ASF1B: variants seen among roughly 807,000 people sequenced by gnomAD.
ASF1B encodes the protein anti-silencing function 1B histone chaperone.
In ASF1B, 10 loss-of-function variants were observed where a neutral mutation model predicts 16.6. That is an observed-to-expected ratio of 0.60 (90% confidence interval 0.37 to 1.02). ASF1B has a LOEUF of 1.02. ASF1B is among the 50% of genes least tolerant of loss of function. The pLI is 0.01. For synonymous variants in ASF1B, 101 were observed against 106.2 expected, an observed-to-expected ratio of 0.95 and a Z score of 0.30; for missense variants, 240 against 266.0, an observed-to-expected ratio of 0.90 and a Z score of 0.68.
At chr19:14,122,608 C>T (rs1370416899) in intron 2 of ASF1B, among the ~76,000 whole-genome samples, 1 of 152,076 alleles carries the variant, frequency 6.6e-6, no homozygotes, top group Non-Finnish European at 1.5e-5. Flanking sequence ...GATCCTCTCA[C>T]CTCAGCCTCC....
At position 14,120,678 on chromosome 19, in the gene ASF1B, G is replaced by A. The variant is rs768327995; in HGVS notation, c.403-13C>T. 7 of 1,613,722 alleles carry A rather than the reference G, an allele frequency of 4.3e-6. No homozygotes were observed. The highest frequency in any genetic ancestry group is 4.5e-5 in the East Asian group (2 of 44,886). On this transcript the variant is annotated splice_polypyrimidine_tract_variant and intron_variant, in intron 3 of 3. Coordinates refer to ENST00000263382, the MANE Select transcript of ASF1B (RefSeq NM_018154.3). Reference sequence around the variant, plus strand: ...TGTTCCGCTGGAGCTGGGGCAGGAAGAGGAACGTCAACCCTTGTAGGTACG... The same window carrying A: ...TGTTCCGCTGGAGCTGGGGCAGGAAAAGGAACGTCAACCCTTGTAGGTACG...
intron 2 of ASF1B, among the ~76,000 whole-genome samples, chr19:14,122,409 AGGCTGGAGTGCAAT>A (rs1967253789): frequency 6.7e-6 from 1 of 150,204 alleles, no homozygotes; most frequent in African/African-American, 2.5e-5. Flanking sequence ...TCTGTTACCC[AGGCTGGAGTGCAAT>A]GGCGCCATCA....
intron 1 of ASF1B, among the ~76,000 whole-genome samples, chr19:14,132,951 T>G (rs1488854396): frequency 2.0e-5 from 3 of 151,632 alleles, no homozygotes; most frequent in African/African-American, 7.3e-5. Context: ...AAACCCCGTC[T>G]CTACTAAAAA....
chr19:14,134,005 C>T (rs1054243519), intron 1 of ASF1B, among the ~76,000 whole-genome samples: 47 of 151,916 alleles, frequency 3.1e-4, no homozygotes, highest in African/African-American at 1.1e-3. Context: ...GGGGTTTCAC[C>T]GTGTTAGCCA....
At chr19:14,134,240 C>A (rs1967451789) in intron 1 of ASF1B, among the ~76,000 whole-genome samples, 1 of 152,098 alleles carries the variant, frequency 6.6e-6, no homozygotes, top group East Asian at 1.9e-4. Flanking sequence ...TATTCCACAG[C>A]GTCATTCTAC....
chr19:14,130,645 C>T (rs1967387923), intron 1 of ASF1B, among the ~76,000 whole-genome samples: 1 of 151,776 alleles, frequency 6.6e-6, no homozygotes, highest in Non-Finnish European at 1.5e-5. Flanking sequence ...GCTATGAGTA[C>T]AGGACACAGC....
At position 14,136,527 on chromosome 19, in the gene ASF1B, G is replaced by A. The variant is rs994961435; in HGVS notation, c.-71C>T. Reference sequence around the variant, plus strand: ...GGCGGAGGCCGCGCCTGGGTCCGGTGGGGTCAGTGGGGTAGGGCTGACCAG... The same window carrying A: ...GGCGGAGGCCGCGCCTGGGTCCGGTAGGGTCAGTGGGGTAGGGCTGACCAG... On this transcript the variant is annotated 5_prime_UTR_variant, in exon 1 of 4. Transcript: ENST00000263382. 4.5e-6 allele frequency: 6 copies of A among 1,338,438 alleles called. No individual in the cohort carries two copies. The highest frequency in any genetic ancestry group is 2.0e-5 in the Admixed American group (1 of 49,944). 82.9% of individuals were successfully genotyped at this position (1,338,438 alleles called of 1,614,324 possible). A position where few individuals can be genotyped will look rare whatever the true frequency, so the allele number is the denominator to read the frequency against.
At chr19:14,136,305 G>A (rs1185566529) in intron 1 of ASF1B, 43 bp downstream of exon 1, 1 of 1,567,652 alleles carries the variant, frequency 6.4e-7, no homozygotes. Context: ...GGGAGGCCGG[G>A]GTCGGCCCGG....
chr19:14,122,802 G>A (rs1157585038), intron 2 of ASF1B, among the ~76,000 whole-genome samples: 2 of 152,182 alleles, frequency 1.3e-5, no homozygotes, highest in Admixed American at 1.3e-4. Flanking sequence ...GGTGAGGCAG[G>A]TGGTATCAGG....
intron 1 of ASF1B, among the ~76,000 whole-genome samples, chr19:14,135,891 G>A (rs931768667): frequency 1.3e-5 from 2 of 152,036 alleles, no homozygotes; most frequent in African/African-American, 4.8e-5. Flanking sequence ...TTGCCACAGG[G>A]AAACCACGGT....
rs886726163 is a variant in ASF1B at position 14,134,039 on chromosome 19, C to T, written c.109+2309G>A. On this transcript the variant is annotated intron_variant, in intron 1 of 3. Coordinates refer to ENST00000263382, the MANE Select transcript of ASF1B (RefSeq NM_018154.3). ...CAGGATGGTCTCGATCTCCTGACCTCGTGATCCGCCCGCCTCGGCCTCCCA... is the reference window on the plus strand; with the variant it reads ...CAGGATGGTCTCGATCTCCTGACCTTGTGATCCGCCCGCCTCGGCCTCCCA... Among the ~76,000 whole-genome samples, 8 of 151,978 alleles carry T rather than the reference C, an allele frequency of 5.3e-5. No homozygotes were observed. The South Asian group carries it at 8.3e-4, about 16-fold the overall frequency.
Position 14,136,144 on chromosome 19 carries a change from A to T in ASF1B, c.109+204T>A, listed in dbSNP as rs1382609729. On this transcript the variant is annotated intron_variant, in intron 1 of 3. Transcript: ENST00000263382. Reference sequence around the variant, plus strand: ...AGGTCAAGGCGGGCAGTGGGGGAGGAGGTCACGGGGAGGTCCGTGTTGGCT... The same window carrying T: ...AGGTCAAGGCGGGCAGTGGGGGAGGTGGTCACGGGGAGGTCCGTGTTGGCT... Among the ~76,000 whole-genome samples the T allele has an allele frequency of 1.0e-4, 7 of 68,798 alleles. No individual in the cohort carries two copies. In the Admixed American group the frequency reaches 1.3e-3, roughly 13 times the overall value. The allele number at this position is 68,798 out of a possible 152,430, so 45.1% of individuals were successfully genotyped here.
intron 1 of ASF1B, among the ~76,000 whole-genome samples, chr19:14,129,576 T>G (rs1490359679): frequency 1.4e-5 from 2 of 139,576 alleles, no homozygotes; most frequent in Admixed American, 7.6e-5. Flanking sequence ...TACTCAGGAG[T>G]CTGAGGCATA....
rs780383299 is a variant in ASF1B at position 14,120,532 on chromosome 19, G to A, written c.536C>T (p.Thr179Ile). ...AGGGAGCCCCAAGCCCTTGATAGGA[G>A]TGCAGTTGAGTGGGAGGCCGCAGCC... ...SLGCGLPLNC[T>I]PIKGLGLPGC... Residue 179 changes from threonine to isoleucine, a missense_variant, in exon 4 of 4, where the codon ACT becomes ATT. Coordinates refer to ENST00000263382, the MANE Select transcript of ASF1B (RefSeq NM_018154.3). 1.9e-6 allele frequency: 3 copies of A among 1,613,632 alleles called. No individual in the cohort carries two copies. The highest frequency in any genetic ancestry group is 2.5e-6 in the Non-Finnish European group (3 of 1,179,742).
intron 1 of ASF1B, among the ~76,000 whole-genome samples, chr19:14,136,016 T>C (rs1273735833): frequency 1.1e-5 from 1 of 91,838 alleles, no homozygotes; most frequent in Admixed American, 1.3e-4. Flanking sequence ...ACGCGGGAAA[T>C]GGGGCTTGGA....
intron 2 of ASF1B, among the ~76,000 whole-genome samples, chr19:14,125,081 C>T (rs915398750): frequency 3.3e-5 from 5 of 152,134 alleles, no homozygotes; most frequent in African/African-American, 9.7e-5. Context: ...ATTCTCCCGC[C>T]GCAGCCTCCC....
Position 14,136,552 on chromosome 19 carries a change from G to C in ASF1B, c.-96C>G, listed in dbSNP as rs566343955. ...GGGGTCAGTGGGGTAGGGCTGACCA[G>C]GTCCACTCCCGCCTCTTCTCTCCGA... On this transcript the variant is annotated 5_prime_UTR_variant, in exon 1 of 4. Coordinates refer to ENST00000263382, the MANE Select transcript of ASF1B (RefSeq NM_018154.3). 5 of 951,040 alleles carry C rather than the reference G, an allele frequency of 5.3e-6. No homozygotes were observed. The East Asian group carries it at 1.3e-4, about 26-fold the overall frequency. 58.9% of individuals were successfully genotyped at this position (951,040 alleles called of 1,614,324 possible).
chr19:14,131,874 G>C (rs1599360049), intron 1 of ASF1B, among the ~76,000 whole-genome samples: 7 of 152,136 alleles, frequency 4.6e-5, no homozygotes, highest in Admixed American at 4.6e-4. Context: ...CAGAACATCT[G>C]GCTTCTATGA....
rs1337020322 is a variant in ASF1B at position 14,120,534 on chromosome 19, G to C, written c.534C>G (p.Cys178Trp). Residue 178 changes from cysteine (C) to tryptophan (W), a missense_variant, in exon 4 of 4, where the codon TGC becomes TGG. By Grantham distance (215) the Cys-to-Trp change is radical. Transcript: ENST00000263382. ...PSLGCGLPLNCTPIKGLGLPG... is the reference protein window; with the variant it reads ...PSLGCGLPLNWTPIKGLGLPG... The stretch of plus-strand genomic sequence containing the variant: ...GGAGCCCCAAGCCCTTGATAGGAGT[G>C]CAGTTGAGTGGGAGGCCGCAGCCCA... The C allele has an allele frequency of 6.2e-7, 1 of 1,613,678 alleles. No homozygotes were observed. Among genetic ancestry groups the C allele is most frequent in the Non-Finnish European group, 8.5e-7 (1 of 1,179,744 alleles).
Sources: allele counts gnomAD v4.1 joint callset (sites outside exome capture counted in the v4.1 genomes callset), GRCh38; gene constraint gnomAD v4.1.1; transcripts MANE v1.5; gene names NCBI Gene and HGNC (gene_info 2026-07-23, HGNC 2026-07-21).